IL12RB1: variants seen among roughly 807,000 people sequenced by gnomAD.
IL12RB1 encodes the protein interleukin 12 receptor subunit beta 1.
IL12RB1 carries 64 observed loss-of-function variants against 94.4 expected under a neutral mutation model. The ratio of observed to expected loss-of-function variants is 0.68; its 90% CI spans 0.55 to 0.83. The LOEUF is 0.83. IL12RB1 is among the 40% of genes least tolerant of loss of function. IL12RB1 has a pLI of 0.00. For synonymous variants in IL12RB1, 362 were observed against 355.5 expected (o/e 1.02, Z -0.21); for missense variants, 814 against 855.6 (o/e 0.95, Z 0.61).
At chr19:18,072,027 C>T (rs1196179588) in intron 9 of IL12RB1, 85 bp downstream of exon 9, 4 of 970,812 alleles carry the variant, frequency 4.1e-6, no homozygotes, top group African/African-American at 1.6e-5. Flanking sequence ...TGCCTCGCTC[C>T]TCTCACCCTG....
chr19:18,061,390 C>A (rs1381199290), intron 14 of IL12RB1, among the ~76,000 whole-genome samples, 193 bp from the exon 15 acceptor site: 3 of 152,030 alleles, frequency 2.0e-5, no homozygotes, highest in Non-Finnish European at 4.4e-5. Context: ...GCCACCACAC[C>A]CGGCTAATTT....
rs751425121 is a variant in IL12RB1 at position 18,080,913 on chromosome 19, T to C, written c.328A>G (p.Thr110Ala). Reference protein sequence around the residue: ...SDQAGVSVLYTVTLWVESWAR... With the variant: ...SDQAGVSVLYAVTLWVESWAR... The stretch of plus-strand genomic sequence containing the variant: ...CAGGATTCCACCCAGAGTGTGACAG[T>C]GTACAGCACAGACACCCCAGCCTGG... The change falls in exon 4 of 17, where the codon ACT (threonine) becomes GCT (alanine). Residue 110 changes from threonine to alanine, a missense_variant. Thr to Ala is a moderately conservative substitution (Grantham distance 58). Transcript: ENST00000593993. 20 of 1,613,450 alleles carry C rather than the reference T, an allele frequency of 1.2e-5. No individual in the cohort carries two copies. Among genetic ancestry groups the C allele is most frequent in the Non-Finnish European group, 1.5e-5 (18 of 1,179,634 alleles).
rs1162893372 is a variant in IL12RB1, at chr19:18,076,286, A to C, written c.580+11T>G. 2.3e-6 allele frequency: 3 copies of C among 1,306,694 alleles called. No homozygotes were observed. Among genetic ancestry groups the C allele is most frequent in the Non-Finnish European group, 3.3e-6 (3 of 899,152 alleles). 80.9% of individuals were successfully genotyped at this position (1,306,694 alleles called of 1,614,324 possible). On this transcript the variant is annotated intron_variant, in intron 6 of 16. Coordinates refer to ENST00000593993, the MANE Select transcript of IL12RB1 (RefSeq NM_005535.3). The stretch of plus-strand genomic sequence containing the variant: ...TGCAGCTGTTGTTGTCATTACTATT[A>C]TTATTCTCACCAGTATCATCATCCT...
intron 6 of IL12RB1, 143 bp from the exon 7 acceptor site, chr19:18,076,011 G>A (rs1251620282): frequency 2.5e-6 from 2 of 815,500 alleles, no homozygotes; most frequent in East Asian, 2.5e-5. Context: ...AGCAGGCCAG[G>A]CCCTGTCCTC....
chr19:18,079,104 A>AT (rs562543069), intron 4 of IL12RB1, among the ~76,000 whole-genome samples: 24,873 of 139,832 alleles, frequency 0.18, 2,547 homozygotes, highest in East Asian at 0.29. Context: ...AACACTTAAA[A>AT]TTTTTTTTTT....
chr19:18,097,247 G>A (rs1166073304), intron 1 of IL12RB1, among the ~76,000 whole-genome samples: 2 of 151,998 alleles, frequency 1.3e-5, no homozygotes, highest in East Asian at 1.9e-4. Context: ...GCGCTATCCC[G>A]GCTCACTGTA....
intron 9 of IL12RB1, chr19:18,070,588 G>T (rs2034954656): frequency 2.1e-6 from 2 of 945,108 alleles, no homozygotes; most frequent in Non-Finnish European, 2.5e-6. Context: ...CGTTTATTGA[G>T]TACCAACTGC....
intron 4 of IL12RB1, 115 bp from the exon 5 acceptor site, chr19:18,077,770 G>C: frequency 1.3e-6 from 1 of 741,120 alleles, no homozygotes; most frequent in South Asian, 1.4e-5. Flanking sequence ...TGAATTAGGG[G>C]ACACTTGCAG....
chr19:18,076,079 C>T (rs577976370), intron 6 of IL12RB1, among the ~76,000 whole-genome samples: 25 of 152,264 alleles, frequency 1.6e-4, no homozygotes, highest in African/African-American at 5.1e-4. Context: ...GTCCTGGCTG[C>T]GGCCATCCCT....
chr19:18,059,622 T>C lies in IL12RB1; in HGVS notation c.1984-9A>G, dbSNP rs759510863. 9.0e-6 allele frequency: 7 copies of C among 780,620 alleles called. No individual in the cohort carries two copies. Among genetic ancestry groups the C allele is most frequent in the Non-Finnish European group, 1.7e-5 (7 of 417,856 alleles). 48.4% of individuals were successfully genotyped at this position (780,620 alleles called of 1,614,324 possible). A position where few individuals can be genotyped will look rare whatever the true frequency, so the allele number is the denominator to read the frequency against. Reference sequence around the variant, plus strand: ...AGCCTCAACGATCACATCTGTAAAGTACAACAGTCATGGTTCCTTTCAGGG... The same window carrying C: ...AGCCTCAACGATCACATCTGTAAAGCACAACAGTCATGGTTCCTTTCAGGG... On this transcript the variant is annotated splice_polypyrimidine_tract_variant and intron_variant, in intron 16 of 16. Coordinates refer to ENST00000593993, the MANE Select transcript of IL12RB1 (RefSeq NM_005535.3).
chr19:18,080,385 C>T (rs1014434120), intron 4 of IL12RB1, among the ~76,000 whole-genome samples: 10 of 152,066 alleles, frequency 6.6e-5, no homozygotes, highest in Admixed American at 6.6e-4. Flanking sequence ...ACTACAGGCG[C>T]GCGTGGCCAC....
At position 18,072,351 on chromosome 19, in the gene IL12RB1, T is replaced by C. The variant is rs758521737; in HGVS notation, c.784-2A>G. 3.1e-6 allele frequency: 5 copies of C among 1,607,624 alleles called. No homozygotes were observed. The highest frequency in any genetic ancestry group is 3.4e-6 in the Non-Finnish European group (4 of 1,174,210). ...TTCTGGAAGCTCCAGCTGGGTTGGC[T>C]GTCAGGAGTATGAAAGACAGCTTGT... is the stretch of plus-strand genomic sequence containing the variant. On this transcript the variant is annotated splice_acceptor_variant, in intron 8 of 16. Coordinates refer to ENST00000593993, the MANE Select transcript of IL12RB1 (RefSeq NM_005535.3). LOFTEE classifies it high-confidence loss of function.
Position 18,059,464 on chromosome 19 carries a change from G to A in IL12RB1, c.*144C>T. On this transcript the variant is annotated 3_prime_UTR_variant, in exon 17 of 17. Transcript: ENST00000593993. ...TGGCAGCATCTAGGGTTCCCCCGCA[G>A]GATGGGTGGCAACAGGCACGGGGCA... 2 of 707,880 alleles carry A rather than the reference G, an allele frequency of 2.8e-6. No homozygotes were observed. Among genetic ancestry groups the A allele is most frequent in the South Asian group, 3.0e-5 (2 of 66,306 alleles). 43.8% of individuals were successfully genotyped at this position (707,880 alleles called of 1,614,324 possible).
Position 18,066,557 on chromosome 19 carries a change from T to C in IL12RB1, c.1468A>G (p.Ser490Gly), listed in dbSNP as rs2146170102. Residue 490 changes from serine to glycine, a missense_variant, in exon 12 of 17, where the codon AGC (serine) becomes GGC (glycine). By Grantham distance (56) the Ser-to-Gly change is moderately conservative. Transcript: ENST00000593993. ...EYVVRCRDEDSKQVSEHPVQP... is the reference protein window; with the variant it reads ...EYVVRCRDEDGKQVSEHPVQP... The stretch of plus-strand genomic sequence containing the variant: ...CCTCACGTACCTGACACCTGTTTGC[T>C]GTCTTCATCTCGGCAGCGGACAACA... 6.2e-7 allele frequency: 1 copy of C among 1,613,248 alleles called. No homozygotes were observed. Among genetic ancestry groups the C allele is most frequent in the Non-Finnish European group, 8.5e-7 (1 of 1,179,440 alleles).
At position 18,060,152 on chromosome 19, in the gene IL12RB1, C is replaced by T. The variant is rs1870063; in HGVS notation, c.1792-67G>A. On this transcript the variant is annotated intron_variant, in intron 15 of 16. Coordinates refer to ENST00000593993, the MANE Select transcript of IL12RB1 (RefSeq NM_005535.3). ...ACTTCCCATCCACAGCAGGATGGAA[C>T]GGACCAGGTCACTGCTGGTTAAATT... The T allele has an allele frequency of 0.34, 289,829 of 840,986 alleles. 54,388 individuals are homozygous for T. The highest frequency in any genetic ancestry group is 0.4 in the Non-Finnish European group (204,675 of 510,228). 52.1% of individuals were successfully genotyped at this position (840,986 alleles called of 1,614,324 possible). A position where few individuals can be genotyped will look rare whatever the true frequency, so the allele number is the denominator to read the frequency against.
chr19:18,076,420 T>C, intron 5 of IL12RB1, 93 bp from the exon 6 acceptor site: 7 of 733,504 alleles, frequency 9.5e-6, no homozygotes, highest in South Asian at 2.9e-5. Flanking sequence ...CTTATTTATC[T>C]GAGACACGGT....
chr19:18,083,322 C>A (rs928236011), intron 2 of IL12RB1, 110 bp downstream of exon 2: 15 of 1,032,246 alleles, frequency 1.5e-5, no homozygotes, highest in African/African-American at 4.7e-5. Flanking sequence ...AGACCACAGG[C>A]AGGGCTGGGT....
chr19:18,059,502 G>C lies in IL12RB1; in HGVS notation c.*106C>G. ...CAGGCACGGGGCAGAGAGGAGGCAG[G>C]TGCACTGGAGCCTGGAGGAGCTCTG... On this transcript the variant is annotated 3_prime_UTR_variant, in exon 17 of 17. Coordinates refer to ENST00000593993, the MANE Select transcript of IL12RB1 (RefSeq NM_005535.3). The C allele has an allele frequency of 1.4e-6, 1 of 737,038 alleles. No individual in the cohort carries two copies. Among genetic ancestry groups the C allele is most frequent in the East Asian group, 2.6e-5 (1 of 39,114 alleles). 45.7% of individuals were successfully genotyped at this position (737,038 alleles called of 1,614,324 possible).
chr19:18,075,433 G>A (rs561691180), intron 7 of IL12RB1, among the ~76,000 whole-genome samples: 166 of 151,032 alleles, frequency 1.1e-3, no homozygotes, highest in Non-Finnish European at 2.2e-3. Flanking sequence ...GCTAATTTTC[G>A]TATTTTTAGT....
Sources: gnomAD v4.1 joint callset for allele counts (sites outside exome capture counted in the v4.1 genomes callset) on GRCh38, gnomAD v4.1.1 for gene constraint, MANE v1.5 for transcripts, NCBI Gene and HGNC (gene_info 2026-07-23, HGNC 2026-07-21) for gene names.